KLF8: variants seen among roughly 807,000 people sequenced by gnomAD.
The protein encoded by KLF8 is Krueppel-like factor 8.
Under a neutral mutation model 18.2 loss-of-function variants are expected in KLF8, and 10 were observed. The observed-to-expected ratio is 0.55, with a 90% CI of 0.34 to 0.93. The LOEUF (loss-of-function observed/expected upper bound fraction) is 0.93. Among genes scored for constraint, KLF8 ranks in the 40% least tolerant of loss-of-function variants. The pLI is 0.02. For synonymous variants in KLF8, 109 were observed against 97.3 expected (o/e 1.12, Z -0.71); for missense variants, 264 against 277.9 (o/e 0.95, Z 0.36).
the KLF8 span, among the ~76,000 whole-genome samples, chrX:56,142,471 G>C: frequency 8.3e-4 from 92 of 110,896 alleles, no homozygotes; most frequent in African/African-American, 2.6e-3. Context: ...TCAATCTTCG[G>C]AGCTTGTTTC....
the KLF8 span, among the ~76,000 whole-genome samples, chrX:56,064,834 C>A: frequency 9.0e-6 from 1 of 111,530 alleles, no homozygotes; most frequent in Non-Finnish European, 1.9e-5. Flanking sequence ...AGGACTATTT[C>A]TCATCCATTT....
chrX:56,121,164 C>T, the KLF8 span, among the ~76,000 whole-genome samples: 1 of 97,697 alleles, frequency 1.0e-5, no homozygotes, highest in South Asian at 4.8e-4. Flanking sequence ...CCAGCCTGGG[C>T]CACAGAGCGA....
the KLF8 span, among the ~76,000 whole-genome samples, chrX:56,190,282 A>G: frequency 9.0e-6 from 1 of 110,981 alleles, no homozygotes; most frequent in East Asian, 2.8e-4. Context: ...AAGAGTATAT[A>G]ACAATTGTAA....
the KLF8 span, among the ~76,000 whole-genome samples, chrX:56,164,356 G>A: frequency 3.3e-5 from 3 of 90,891 alleles, no homozygotes; most frequent in East Asian, 1.0e-3. Context: ...TGTATTTAGA[G>A]CTACAATACA....
chrX:56,027,591 T>C, the KLF8 span, among the ~76,000 whole-genome samples: 2 of 112,461 alleles, frequency 1.8e-5, no homozygotes, highest in Admixed American at 1.9e-4. Flanking sequence ...TGAAGTGCCC[T>C]GAGGCAATGG....
At chrX:56,106,156 C>T in the KLF8 span, among the ~76,000 whole-genome samples, 1 of 110,780 alleles carries the variant, frequency 9.0e-6, no homozygotes, top group South Asian at 3.9e-4. Context: ...AACATGTTTT[C>T]CTCCATTTCA....
chrX:56,133,681 A>G, the KLF8 span, among the ~76,000 whole-genome samples: 1 of 111,736 alleles, frequency 8.9e-6, no homozygotes, highest in East Asian at 2.8e-4. Context: ...CATACAGGAG[A>G]AAGAAATAAA....
At chrX:56,182,924 C>A in the KLF8 span, among the ~76,000 whole-genome samples, 1 of 112,329 alleles carries the variant, frequency 8.9e-6, no homozygotes, top group Non-Finnish European at 1.9e-5. Flanking sequence ...GTCAGGGACC[C>A]ACTTGAGGAG....
At chrX:55,931,729 TGA>T in the KLF8 span, among the ~76,000 whole-genome samples, 1 of 112,215 alleles carries the variant, frequency 8.9e-6, no homozygotes, top group African/African-American at 3.2e-5. Flanking sequence ...CACCGTGGTC[TGA>T]GAGACTGTTA....
At chrX:56,272,279 C>T (rs2067067249) in intron 5 of KLF8, among the ~76,000 whole-genome samples, 1 of 110,441 alleles carries the variant, frequency 9.1e-6, no homozygotes, top group Non-Finnish European at 1.9e-5. Flanking sequence ...GGCGTGATCT[C>T]GGATCACTGC....
At chrX:56,135,045 G>T in the KLF8 span, among the ~76,000 whole-genome samples, 46 of 111,344 alleles carry the variant, frequency 4.1e-4, no homozygotes, top group African/African-American at 1.5e-3. Flanking sequence ...AAAAAGTCAG[G>T]AAACAACAGG....
chrX:56,250,470 A>G (rs1315360258), intron 2 of KLF8, among the ~76,000 whole-genome samples, 166 bp downstream of exon 2: 1 of 111,727 alleles, frequency 9.0e-6, no homozygotes, highest in African/African-American at 3.3e-5. Context: ...CCTTGGTTTC[A>G]TAGTCAGCTG....
chrX:56,009,527 A>T, the KLF8 span, among the ~76,000 whole-genome samples: 8 of 112,428 alleles, frequency 7.1e-5, no homozygotes, highest in African/African-American at 2.6e-4. Context: ...AACACTGAAA[A>T]CCAAAAAAGC....
the KLF8 span, among the ~76,000 whole-genome samples, chrX:55,930,407 C>T: frequency 8.9e-6 from 1 of 111,851 alleles, no homozygotes; most frequent in Non-Finnish European, 1.9e-5. Flanking sequence ...CTGGCCAGAA[C>T]TTCCAATACT....
the KLF8 span, among the ~76,000 whole-genome samples, chrX:55,944,061 A>T: frequency 8.9e-6 from 1 of 112,300 alleles, no homozygotes; most frequent in Non-Finnish European, 1.9e-5. Flanking sequence ...ATTTTGTTAA[A>T]GGCCTTTTCT....
the KLF8 span, among the ~76,000 whole-genome samples, chrX:56,158,112 A>G: frequency 8.9e-6 from 1 of 111,861 alleles, no homozygotes. Context: ...ACATATGGCT[A>G]GCCAGTTTTC....
the KLF8 span, among the ~76,000 whole-genome samples, chrX:55,910,860 A>C: frequency 8.9e-6 from 1 of 112,112 alleles, no homozygotes; most frequent in East Asian, 2.8e-4. Context: ...ATTTAATTTC[A>C]TACCAACCAT....
the KLF8 span, among the ~76,000 whole-genome samples, chrX:56,137,896 G>GA: frequency 2.8e-5 from 3 of 108,787 alleles, no homozygotes; most frequent in Non-Finnish European, 3.8e-5. Context: ...AAACCATACA[G>GA]AAGATCAACA....
At chrX:56,152,142 A>G in the KLF8 span, among the ~76,000 whole-genome samples, 26 of 112,011 alleles carry the variant, frequency 2.3e-4, no homozygotes, top group African/African-American at 8.1e-4. Context: ...AAAAGAATAT[A>G]TCCTCTTTAT....
Sources: allele counts gnomAD v4.1 joint callset (sites outside exome capture counted in the v4.1 genomes callset), GRCh38; gene constraint gnomAD v4.1.1; transcripts MANE v1.5; gene names NCBI Gene and HGNC (gene_info 2026-07-23, HGNC 2026-07-21).